RAVER2: variants seen among roughly 807,000 people sequenced by gnomAD.
RAVER2 encodes ribonucleoprotein PTB-binding 2.
RAVER2 carries 46 observed loss-of-function variants against 78.1 expected under a neutral mutation model. The observed-to-expected ratio is 0.59, with a 90% CI of 0.46 to 0.75. RAVER2 has a LOEUF of 0.75. Ranked by LOEUF, RAVER2 falls within the 30% of genes least tolerant of loss-of-function variation. RAVER2 has a pLI of 0.00. For synonymous variants in RAVER2, 311 were observed against 313.3 expected, an observed-to-expected ratio of 0.99 and a Z score of 0.08; for missense variants, 793 against 837.5, an observed-to-expected ratio of 0.95 and a Z score of 0.66.
intron 5 of RAVER2, among the ~76,000 whole-genome samples, chr1:64,795,244 G>A (rs1392590087): frequency 1.3e-5 from 2 of 152,086 alleles, no homozygotes; most frequent in Non-Finnish European, 2.9e-5. Flanking sequence ...AAATCAGTTA[G>A]TGTAAGTCCT....
intron 11 of RAVER2, among the ~76,000 whole-genome samples, chr1:64,820,914 A>C (rs1653874335): frequency 6.6e-6 from 1 of 152,204 alleles, no homozygotes; most frequent in African/African-American, 2.4e-5. Flanking sequence ...TCCTCTGGGT[A>C]TATACCCAGT....
At chr1:64,786,178 C>T (rs1169634238) in intron 4 of RAVER2, among the ~76,000 whole-genome samples, 1 of 152,042 alleles carries the variant, frequency 6.6e-6, no homozygotes, top group Non-Finnish European at 1.5e-5. Flanking sequence ...GAGATATGTT[C>T]TTTTTAAATG....
intron 11 of RAVER2, among the ~76,000 whole-genome samples, chr1:64,828,648 GTTTTC>G (rs1237377068): frequency 4.7e-5 from 7 of 149,706 alleles, no homozygotes; most frequent in Non-Finnish European, 8.9e-5. Context: ...AGTGAAACCC[GTTTTC>G]TTTTTTTTTT....
rs988538594 is a variant in RAVER2 at position 64,808,379 on chromosome 1, T to A, written c.1680+905T>A. Among the ~76,000 whole-genome samples, 7 of 152,022 alleles carry A rather than the reference T, an allele frequency of 4.6e-5. No homozygotes were observed. In the South Asian group the frequency reaches 1.5e-3, roughly 32 times the overall value. ...ATAATAATACTGAATTTGTAAGAGG[T>A]TTTAGTGTTACCTAGCCATAGCAAG... is the stretch of plus-strand genomic sequence containing the variant. On this transcript the variant is annotated intron_variant, in intron 9 of 11. Transcript: ENST00000294428.
intron 5 of RAVER2, among the ~76,000 whole-genome samples, chr1:64,798,587 T>C (rs1653168492): frequency 6.6e-6 from 1 of 152,218 alleles, no homozygotes; most frequent in Non-Finnish European, 1.5e-5. Flanking sequence ...CTGTTATTTG[T>C]GGTTTCCATA....
intron 11 of RAVER2, among the ~76,000 whole-genome samples, chr1:64,820,745 G>GA (rs1211362814): frequency 5.3e-5 from 8 of 152,096 alleles, no homozygotes; most frequent in African/African-American, 1.9e-4. Context: ...ACATGAGCTC[G>GA]TTCTTTTTTA....
intron 1 of RAVER2, among the ~76,000 whole-genome samples, chr1:64,759,866 G>A (rs189250779): frequency 6.6e-6 from 1 of 152,022 alleles, no homozygotes; most frequent in Non-Finnish European, 1.5e-5. Context: ...TGTTAATGTC[G>A]TAAAATAATC....
intron 11 of RAVER2, among the ~76,000 whole-genome samples, chr1:64,827,481 CAT>C (rs1410903050): frequency 3.9e-5 from 6 of 152,172 alleles, no homozygotes; most frequent in African/African-American, 1.2e-4. Context: ...GCAAACTATT[CAT>C]AGAGTGGTTT....
At chr1:64,756,915 G>C (rs976581003) in intron 1 of RAVER2, among the ~76,000 whole-genome samples, 3 of 152,176 alleles carry the variant, frequency 2.0e-5, no homozygotes, top group Non-Finnish European at 2.9e-5. Flanking sequence ...TGGGGTTATA[G>C]GTTTTGGGGA....
intron 5 of RAVER2, among the ~76,000 whole-genome samples, chr1:64,792,918 C>A (rs1469695130): frequency 1.3e-5 from 2 of 152,194 alleles, no homozygotes; most frequent in Non-Finnish European, 2.9e-5. Flanking sequence ...AATTGTAATT[C>A]TTGGCTGGGT....
At chr1:64,831,075 C>T in exon 12 of RAVER2, 1 of 1,344,882 alleles carries the variant, frequency 7.4e-7, no homozygotes, top group Non-Finnish European at 1.0e-6. Flanking sequence ...TAGCCATATC[C>T]TTTAAATACG....
chr1:64,815,712 A>G (rs1459798314), intron 11 of RAVER2: 1 of 152,210 alleles, frequency 6.6e-6, no homozygotes, highest in Non-Finnish European at 1.5e-5. Flanking sequence ...AAAGAAAACC[A>G]CTTAGAACAA....
At position 64,807,117 on chromosome 1, in the gene RAVER2, A is replaced by G. The variant is rs1223627891; in HGVS notation, c.1412-89A>G. The G allele has an allele frequency of 4.2e-6, 6 of 1,436,188 alleles. No homozygotes were observed. The African/African-American group carries it at 4.3e-5, about 10-fold the overall frequency. 89.0% of individuals were successfully genotyped at this position (1,436,188 alleles called of 1,614,324 possible). ...ACAGGTACAAAATTGGTTTCTCTGC[A>G]TTTTGCTCATAACTTAACAAAATTA... On this transcript the variant is annotated intron_variant, in intron 8 of 11. Coordinates refer to ENST00000294428, the Ensembl canonical transcript of RAVER2.
At chr1:64,804,753 C>T in exon 7 of RAVER2, 1 of 1,509,814 alleles carries the variant, frequency 6.6e-7, no homozygotes, top group Non-Finnish European at 9.2e-7. Flanking sequence ...ATGGGTAATA[C>T]TTCTAATTTA....
intron 4 of RAVER2, among the ~76,000 whole-genome samples, chr1:64,785,751 T>A (rs1652763545): frequency 6.6e-6 from 1 of 152,188 alleles, no homozygotes; most frequent in Non-Finnish European, 1.5e-5. Flanking sequence ...TGCTTCCTCC[T>A]TCCTACCATA....
At chr1:64,759,145 G>A (rs1651938759) in intron 1 of RAVER2, among the ~76,000 whole-genome samples, 1 of 151,496 alleles carries the variant, frequency 6.6e-6, no homozygotes, top group Non-Finnish European at 1.5e-5. Flanking sequence ...TTAGGTTAGT[G>A]TACAGTAAGT....
exon 5 of RAVER2, chr1:64,789,431 T>C (rs767790974): frequency 3.1e-6 from 5 of 1,610,038 alleles, no homozygotes; most frequent in Non-Finnish European, 4.2e-6. Flanking sequence ...CCAAATCCAG[T>C]ACAAATTATG....
At chr1:64,779,213 A>G (rs192521817) in intron 3 of RAVER2, among the ~76,000 whole-genome samples, 35 of 152,080 alleles carry the variant, frequency 2.3e-4, no homozygotes, top group African/African-American at 8.0e-4. Flanking sequence ...CATGTTGTCC[A>G]AAAGATCTTT....
chr1:64,794,217 T>G (rs1287195000), intron 5 of RAVER2, among the ~76,000 whole-genome samples: 1 of 151,966 alleles, frequency 6.6e-6, no homozygotes, highest in African/African-American at 2.4e-5. Context: ...GAGACCACGG[T>G]GAAACCCCGT....
Sources: allele counts gnomAD v4.1 joint callset (sites outside exome capture counted in the v4.1 genomes callset), GRCh38; gene constraint gnomAD v4.1.1; transcripts MANE v1.5; gene names NCBI Gene and HGNC (gene_info 2026-07-23, HGNC 2026-07-21).